The following PTPN13 variants were observed in gnomAD, a reference collection of about 807,000 sequenced individuals.
PTPN13 encodes the protein protein tyrosine phosphatase non-receptor type 13, also known as tyrosine-protein phosphatase non-receptor type 13.
Under a neutral mutation model 284.0 loss-of-function variants are expected in PTPN13, and 191 were observed. The ratio of observed to expected loss-of-function variants is 0.67; its 90% CI spans 0.60 to 0.76. The LOEUF (loss-of-function observed/expected upper bound fraction) is 0.76, where lower values mean the gene tolerates loss of function less well. Among genes scored for constraint, PTPN13 ranks in the 30% least tolerant of loss-of-function variants. PTPN13 has a pLI of 0.00. For synonymous variants in PTPN13, 986 were observed against 1,022.3 expected (o/e 0.96, Z 0.68); for missense variants, 2,797 against 2,939.9 (o/e 0.95, Z 1.12).
chr4:86,717,396 C>T (rs1733158015), intron 9 of PTPN13, among the ~76,000 whole-genome samples: 1 of 152,014 alleles, frequency 6.6e-6, no homozygotes, highest in Non-Finnish European at 1.5e-5. Context: ...ACCATATTGG[C>T]CAGGCTGGTC....
chr4:86,727,731 T>C lies in PTPN13; in HGVS notation c.1609-4669T>C, dbSNP rs1387127473. ...TCTTCTTTATTAGTCTTGCTAGCAG[T>C]ACATCAATTTTGTTGATCTTTTCAA... On this transcript the variant is annotated intron_variant, in intron 10 of 47. Transcript: ENST00000411767. Among the ~76,000 whole-genome samples, 63 of 149,524 alleles carry C rather than the reference T, an allele frequency of 4.2e-4. 2 individuals are homozygous for C. The Admixed American group carries it at 4.2e-3, about 10-fold the overall frequency.
At chr4:86,757,711 C>A (rs181640283) in intron 20 of PTPN13, among the ~76,000 whole-genome samples, 1 of 148,062 alleles carries the variant, frequency 6.8e-6, no homozygotes, top group African/African-American at 2.5e-5. Context: ...CTACAGTGAG[C>A]TGTGATTATG....
At chr4:86,612,737 G>C (rs1720047748) in intron 1 of PTPN13, among the ~76,000 whole-genome samples, 1 of 152,084 alleles carries the variant, frequency 6.6e-6, no homozygotes. Context: ...AGAGGAAATT[G>C]GGTTACGTAC....
At chr4:86,637,599 G>T (rs1179321159) in intron 2 of PTPN13, among the ~76,000 whole-genome samples, 8 of 150,930 alleles carry the variant, frequency 5.3e-5, no homozygotes, top group South Asian at 2.1e-4. Flanking sequence ...TCTCAATAGA[G>T]GCAGAAAAGG....
chr4:86,671,338 T>C (rs1004364738), intron 2 of PTPN13, among the ~76,000 whole-genome samples: 1 of 152,092 alleles, frequency 6.6e-6, no homozygotes, highest in Non-Finnish European at 1.5e-5. Flanking sequence ...TTTGACAGAG[T>C]GATATCAGTA....
At chr4:86,683,479 G>A (rs111991475) in intron 3 of PTPN13, among the ~76,000 whole-genome samples, 1 of 152,250 alleles carries the variant, frequency 6.6e-6, no homozygotes, top group African/African-American at 2.4e-5. Flanking sequence ...TGACCTTTCT[G>A]TTCTTTTCAG....
intron 2 of PTPN13, among the ~76,000 whole-genome samples, chr4:86,662,700 A>T (rs1157291458): frequency 6.6e-6 from 1 of 152,238 alleles, no homozygotes; most frequent in East Asian, 1.9e-4. Flanking sequence ...AATATTACAC[A>T]TACATAGAGT....
At chr4:86,796,481 A>T (rs1053528210) in intron 40 of PTPN13, among the ~76,000 whole-genome samples, 1 of 152,136 alleles carries the variant, frequency 6.6e-6, no homozygotes, top group African/African-American at 2.4e-5. Flanking sequence ...CAGAAAAAAA[A>T]AAATTTTTAA....
At chr4:86,713,786 G>T (rs1165383548) in intron 7 of PTPN13, among the ~76,000 whole-genome samples, 3 of 151,888 alleles carry the variant, frequency 2.0e-5, no homozygotes, top group Non-Finnish European at 4.4e-5. Flanking sequence ...ATCCTTTCTT[G>T]GGGCGTGAAC....
intron 17 of PTPN13, among the ~76,000 whole-genome samples, chr4:86,750,177 G>A (rs931653004): frequency 2.6e-5 from 4 of 152,092 alleles, no homozygotes; most frequent in African/African-American, 9.7e-5. Context: ...AAGGAATTTG[G>A]TGTCAGCAAG....
At chr4:86,595,866 A>T in intron 1 of PTPN13, 1 of 584,608 alleles carries the variant, frequency 1.7e-6, no homozygotes, top group Non-Finnish European at 2.2e-6. Flanking sequence ...GTAAAAGTGC[A>T]TGTATTATGA....
At chr4:86,627,836 C>T (rs1014164019) in intron 1 of PTPN13, among the ~76,000 whole-genome samples, 4 of 152,044 alleles carry the variant, frequency 2.6e-5, no homozygotes, top group Non-Finnish European at 5.9e-5. Context: ...TTCTGTCTTG[C>T]TTTCTTCATT....
At chr4:86,726,075 A>G (rs536234321) in intron 10 of PTPN13, among the ~76,000 whole-genome samples, 4 of 149,794 alleles carry the variant, frequency 2.7e-5, no homozygotes, top group Admixed American at 1.3e-4. Context: ...TTAAATAGGG[A>G]ATCCTTTCTA....
chr4:86,718,820 T>C (rs2149077910), intron 9 of PTPN13, among the ~76,000 whole-genome samples: 1 of 152,314 alleles, frequency 6.6e-6, no homozygotes, highest in East Asian at 1.9e-4. Context: ...TATAATTTTT[T>C]TCTTTGAGGA....
intron 2 of PTPN13, among the ~76,000 whole-genome samples, chr4:86,661,790 A>G (rs915828428): frequency 6.6e-6 from 1 of 152,178 alleles, no homozygotes; most frequent in African/African-American, 2.4e-5. Flanking sequence ...AATGAAATCA[A>G]TGCCAGTCAT....
intron 2 of PTPN13, among the ~76,000 whole-genome samples, chr4:86,666,815 G>A (rs1727138230): frequency 6.6e-6 from 1 of 152,134 alleles, no homozygotes; most frequent in Non-Finnish European, 1.5e-5. Context: ...TTATGCAAAT[G>A]GACTTTCCAC....
intron 1 of PTPN13, among the ~76,000 whole-genome samples, chr4:86,609,515 T>G (rs150187352): frequency 4.1e-4 from 62 of 152,318 alleles, no homozygotes; most frequent in Non-Finnish European, 1.5e-5. Context: ...GGTGTTTTAG[T>G]CTTCCTCAGT....
At chr4:86,761,266 T>A (rs1389960875) in intron 23 of PTPN13, among the ~76,000 whole-genome samples, 8 of 151,214 alleles carry the variant, frequency 5.3e-5, no homozygotes, top group Admixed American at 5.3e-4. Flanking sequence ...TTGCTATCCA[T>A]GTACATGCAT....
At chr4:86,814,123 C>T (rs535704617) in intron 47 of PTPN13, among the ~76,000 whole-genome samples, 35 of 150,592 alleles carry the variant, frequency 2.3e-4, no homozygotes, top group South Asian at 1.5e-3. Context: ...TCTCCTGCCT[C>T]AGCCTCCCAA....
Sources: allele counts gnomAD v4.1 joint callset (sites outside exome capture counted in the v4.1 genomes callset), GRCh38; gene constraint gnomAD v4.1.1; transcripts MANE v1.5; gene names NCBI Gene and HGNC (gene_info 2026-07-23, HGNC 2026-07-21).